The following DOCK10 variants were observed in gnomAD, a reference collection of about 807,000 sequenced individuals.
The protein encoded by DOCK10 is dedicator of cytokinesis 10.
In DOCK10, 145 loss-of-function variants were observed where a neutral mutation model predicts 280.1. That is an observed-to-expected ratio of 0.52 (90% CI 0.45 to 0.59). DOCK10 has a LOEUF of 0.59. Ranked by LOEUF, DOCK10 falls within the 20% of genes least tolerant of loss-of-function variation. The probability of loss-of-function intolerance (pLI) is 0.00; values close to 1 mark genes in which losing one functional copy is unlikely to be tolerated. For synonymous variants in DOCK10, 915 were observed against 942.2 expected (o/e 0.97, Z 0.53); for missense variants, 2,368 against 2,651.7 (o/e 0.89, Z 2.35).
chr2:224,895,554 T>C (rs1185193477), intron 4 of DOCK10, among the ~76,000 whole-genome samples: 2 of 152,180 alleles, frequency 1.3e-5, no homozygotes, highest in Admixed American at 6.5e-5. Flanking sequence ...TAAGTAATTA[T>C]AGTACTGCAC....
At chr2:224,964,794 T>G (rs977672470) in intron 1 of DOCK10, among the ~76,000 whole-genome samples, 54 of 152,236 alleles carry the variant, frequency 3.5e-4, no homozygotes, top group African/African-American at 1.3e-3. Flanking sequence ...TTTTTCTTTC[T>G]CTTCTCCCTT....
intron 30 of DOCK10, among the ~76,000 whole-genome samples, chr2:224,815,244 T>G (rs1694057812): frequency 6.6e-6 from 1 of 152,188 alleles, no homozygotes; most frequent in Admixed American, 6.5e-5. Context: ...CCCCTTCACC[T>G]TCTGCCTTGA....
intron 47 of DOCK10, 87 bp from the exon 48 acceptor site, chr2:224,789,257 A>C: frequency 2.6e-6 from 2 of 768,018 alleles, no homozygotes; most frequent in Non-Finnish European, 4.4e-6. Context: ...GATGTTACCA[A>C]GTGGTAGTAT....
chr2:224,919,510 G>A (rs540841700), intron 2 of DOCK10, among the ~76,000 whole-genome samples: 9 of 151,042 alleles, frequency 6.0e-5, no homozygotes, highest in South Asian at 2.1e-4. Context: ...GAGTGTGTAC[G>A]TGTGGTGTGA....
At chr2:224,928,988 C>T (rs1345152609) in intron 2 of DOCK10, among the ~76,000 whole-genome samples, 1 of 152,244 alleles carries the variant, frequency 6.6e-6, no homozygotes, top group African/African-American at 2.4e-5. Flanking sequence ...GGCCTTTGCA[C>T]CAGCTACCCC....
intron 1 of DOCK10, among the ~76,000 whole-genome samples, chr2:224,991,789 C>T (rs1032734009): frequency 6.6e-6 from 1 of 152,188 alleles, no homozygotes; most frequent in African/African-American, 2.4e-5. Context: ...TCAATATACA[C>T]AGTATCTGGG....
At chr2:224,925,171 C>A (rs6716445) in intron 2 of DOCK10, among the ~76,000 whole-genome samples, 1 of 151,368 alleles carries the variant, frequency 6.6e-6, no homozygotes, top group East Asian at 1.9e-4. Flanking sequence ...AAAATGTTAA[C>A]CTTTGTCTCA....
At chr2:224,973,529 T>C (rs983816175) in intron 1 of DOCK10, among the ~76,000 whole-genome samples, 1 of 151,870 alleles carries the variant, frequency 6.6e-6, no homozygotes, top group Non-Finnish European at 1.5e-5. Context: ...CCTCTAGAAC[T>C]TGGAAAAGGC....
intron 1 of DOCK10, among the ~76,000 whole-genome samples, chr2:225,008,656 T>G (rs1689344586): frequency 6.6e-6 from 1 of 151,982 alleles, no homozygotes; most frequent in Admixed American, 6.6e-5. Flanking sequence ...AATCACAGAG[T>G]TGCTGGGATT....
At chr2:224,901,199 T>C (rs1375993086) in intron 3 of DOCK10, among the ~76,000 whole-genome samples, 1 of 152,232 alleles carries the variant, frequency 6.6e-6, no homozygotes, top group African/African-American at 2.4e-5. Context: ...TGACTACAGC[T>C]CCTCTTTGTC....
intron 7 of DOCK10, among the ~76,000 whole-genome samples, chr2:224,877,773 A>G (rs1368797212): frequency 6.6e-6 from 1 of 152,188 alleles, no homozygotes; most frequent in African/African-American, 2.4e-5. Flanking sequence ...AATTTTATAT[A>G]TTCCTGGTAT....
At chr2:224,856,735 A>G in intron 15 of DOCK10, 125 bp downstream of exon 15, 1 of 855,476 alleles carries the variant, frequency 1.2e-6, no homozygotes, top group East Asian at 2.8e-5. Flanking sequence ...ATGTGAAGTC[A>G]CCTGAAAAAT....
intron 1 of DOCK10, among the ~76,000 whole-genome samples, chr2:224,977,856 T>C (rs866344075): frequency 1.4e-4 from 21 of 152,346 alleles, no homozygotes; most frequent in Middle Eastern, 3.4e-3. Context: ...TGCACAAAGA[T>C]TCAGAACCTA....
At chr2:224,899,109 C>A (rs1476743752) in intron 3 of DOCK10, among the ~76,000 whole-genome samples, 1 of 152,156 alleles carries the variant, frequency 6.6e-6, no homozygotes, top group Non-Finnish European at 1.5e-5. Flanking sequence ...AAAAGAAGAG[C>A]ATAAAACCCA....
At chr2:224,872,882 G>A (rs1375087940) in intron 11 of DOCK10, among the ~76,000 whole-genome samples, 1 of 151,864 alleles carries the variant, frequency 6.6e-6, no homozygotes, top group Non-Finnish European at 1.5e-5. Context: ...AATATTAACT[G>A]TGCCTTATAT....
At chr2:224,784,850 A>G in intron 50 of DOCK10, 1 of 1,068,204 alleles carries the variant, frequency 9.4e-7, no homozygotes, top group Non-Finnish European at 1.3e-6. Context: ...TATCTCATAT[A>G]TTGGTTGCAG....
intron 1 of DOCK10, among the ~76,000 whole-genome samples, chr2:224,954,305 C>T (rs143488861): frequency 6.6e-5 from 10 of 152,168 alleles, no homozygotes; most frequent in African/African-American, 2.2e-4. Context: ...CAGAGATATC[C>T]ATTTCCAGAA....
chr2:224,938,589 T>C (rs905634317), intron 1 of DOCK10, among the ~76,000 whole-genome samples: 1 of 152,110 alleles, frequency 6.6e-6, no homozygotes, highest in African/African-American at 2.4e-5. Context: ...TTAACCAATT[T>C]CAGTGTTATA....
rs1693379301 is a variant in DOCK10, at chr2:224,806,159, A to T, written c.3781T>A (p.Ser1261Thr). 4 of 1,609,056 alleles carry T rather than the reference A, an allele frequency of 2.5e-6. No homozygotes were observed. In the South Asian group the frequency reaches 4.4e-5, roughly 18 times the overall value. ...AIKHANSVDT[S>T]FSKDVLNSIA... ...GAATTTAAAACATCTTTAGAAAATGATGTATCCACAGAGTTTGCATGTTTG... is the reference window on the plus strand; with the variant it reads ...GAATTTAAAACATCTTTAGAAAATGTTGTATCCACAGAGTTTGCATGTTTG... The change falls in exon 34 of 56, where the codon TCA becomes ACA. Residue 1261 changes from serine (S) to threonine (T), a missense_variant. This residue lies in a region of DOCK10 where 1,159 missense variants were observed against 1,400.8 expected (regional missense o/e 0.83). Coordinates refer to ENST00000258390, the MANE Select transcript of DOCK10 (RefSeq NM_014689.3).
Sources: allele counts gnomAD v4.1 joint callset (sites outside exome capture counted in the v4.1 genomes callset), GRCh38; gene constraint gnomAD v4.1.1; regional missense constraint gnomAD v4.1.1; transcripts MANE v1.5; gene names NCBI Gene and HGNC (gene_info 2026-07-23, HGNC 2026-07-21).